The following PANK4 variants were observed in gnomAD, a reference collection of about 807,000 sequenced individuals.
PANK4 encodes the protein 4'-phosphopantetheine phosphatase.
A neutral mutation model predicts 87.9 loss-of-function variants in PANK4; 40 were observed. The observed-to-expected ratio is 0.46, with a 90% CI of 0.35 to 0.59. The LOEUF is 0.59. PANK4 is among the 20% of genes least tolerant of loss of function. The probability of loss-of-function intolerance (pLI) is 0.00; values close to 1 mark genes in which losing one functional copy is unlikely to be tolerated. For missense variants in PANK4, 926 were observed against 1,072.3 expected (o/e 0.86, Z 1.90); for synonymous variants, 524 against 467.4 (o/e 1.12, Z -1.56).
At chr1:2,521,847 C>A in intron 1 of PANK4, 47 bp from the exon 2 acceptor site, 1 of 1,461,188 alleles carries the variant, frequency 6.8e-7, no homozygotes, top group South Asian at 1.1e-5. Context: ...CAGGACACAG[C>A]GGGGCCTGGG....
chr1:2,526,371 C>A (rs1643924092), intron 1 of PANK4, 93 bp downstream of exon 1: 11 of 749,144 alleles, frequency 1.5e-5, no homozygotes, highest in African/African-American at 3.8e-5. Context: ...CGCGCCCCCG[C>A]CCTTCGTCCT....
Position 2,518,189 on chromosome 1 carries a change from G to A in PANK4, c.1193C>T (p.Pro398Leu), listed in dbSNP as rs750603487. ...GLMSASPELG[P>L]AQRARSGTFD... ...AGTGCCACTCCGCGCCCGCTGCGCC[G>A]GGCCGAGCTCGGGTGATGCACTCAT... is the stretch of plus-strand genomic sequence containing the variant. Residue 398 changes from proline (P) to leucine (L), a missense_variant, in exon 9 of 19, where the codon CCG (proline) becomes CTG (leucine). Coordinates refer to ENST00000378466, the MANE Select transcript of PANK4 (RefSeq NM_018216.4). The A allele has an allele frequency of 1.5e-5, 24 of 1,609,244 alleles. No individual in the cohort carries two copies. The highest frequency in any genetic ancestry group is 1.6e-4 in the Middle Eastern group (1 of 6,076).
At position 2,520,111 on chromosome 1, in the gene PANK4, C is replaced by G. The variant is rs183048620; in HGVS notation, c.700-157G>C. ...GGCAGGAGGCGGCAAGCGGGACCCT[C>G]GGGCCACCCAGCCAGGATAGAAGCT... On this transcript the variant is annotated intron_variant, in intron 5 of 18. Transcript: ENST00000378466. The surrounding 1 kb of genome is among the most constrained non-coding windows in gnomAD (Gnocchi z 6.2). Among the ~76,000 whole-genome samples the G allele has an allele frequency of 6.6e-6, 1 of 152,266 alleles. No individual in the cohort carries two copies. Among genetic ancestry groups the G allele is most frequent in the East Asian group, 1.9e-4 (1 of 5,174 alleles).
chr1:2,514,512 G>A, intron 10 of PANK4, 46 bp from the exon 11 acceptor site: 1 of 1,454,994 alleles, frequency 6.9e-7, no homozygotes, highest in Non-Finnish European at 9.5e-7. Context: ...TGGCCCTGCT[G>A]CTTGCGAATC....
At chr1:2,518,713 G>C in intron 7 of PANK4, 116 bp from the exon 8 acceptor site, 1 of 827,308 alleles carries the variant, frequency 1.2e-6, no homozygotes, top group Non-Finnish European at 2.0e-6. Flanking sequence ...TCGAAGAGGC[G>C]CCATGGCACC....
chr1:2,514,262 G>T, intron 11 of PANK4, 92 bp downstream of exon 11: 1 of 1,185,122 alleles, frequency 8.4e-7, no homozygotes, highest in Non-Finnish European at 1.3e-6. Context: ...AGCGAGCTGG[G>T]GTCCGAATGC....
At position 2,521,215 on chromosome 1, in the gene PANK4, G is replaced by A. The variant is rs775189173; in HGVS notation, c.308C>T (p.Ala103Val). The change falls in exon 3 of 19, where the codon GCC becomes GTC. Residue 103 changes from alanine (A) to valine (V), a missense_variant. Ala to Val is a moderately conservative substitution (Grantham distance 64). Transcript: ENST00000378466. Reference sequence around the variant, plus strand: ...ATGGTCTTTGATGAAGTCCAGGCAGGCTTCGATGTAGGTATTCTCAAACTT... The same window carrying A: ...ATGGTCTTTGATGAAGTCCAGGCAGACTTCGATGTAGGTATTCTCAAACTT... Reference protein sequence around the residue: ...FIKFENTYIEACLDFIKDHLV... With the variant: ...FIKFENTYIEVCLDFIKDHLV... 3 of 1,613,662 alleles carry A rather than the reference G, an allele frequency of 1.9e-6. No homozygotes were observed. Among genetic ancestry groups the A allele is most frequent in the Admixed American group, 3.3e-5 (2 of 60,014 alleles).
rs34724650 is a variant in PANK4 at position 2,519,859 on chromosome 1, G to A, written c.795C>T (p.Leu265=). The change falls in exon 6 of 19, where the codon CTC becomes CTT. Residue 265 remains leucine, a synonymous_variant. Coordinates refer to ENST00000378466, the MANE Select transcript of PANK4 (RefSeq NM_018216.4). This position sits in a 1 kb window ranked among gnomAD's most constrained non-coding sequence, Gnocchi z 8.3. ...RDVYGGAHQT[L]GLSGNLIASS... ...TGGCGATGAGGTTCCCGCTCAGCCC[G>A]AGAGTCTGGTGGGCGCCGCCGTAGA... 6,037 of 1,572,614 alleles carry A rather than the reference G, an allele frequency of 3.8e-3. 21 individuals are homozygous for A. The highest frequency in any genetic ancestry group is 4.7e-3 in the Non-Finnish European group (5,403 of 1,159,580).
rs764448081 is a variant in PANK4, at chr1:2,514,474, C to T, written c.1375-8G>A. ...CACTGCGCGCTTCACTACCTGCCAG[C>T]GACAGAAGGAGGGGGTTAGTCAAGC... On this transcript the variant is annotated splice_region_variant and splice_polypyrimidine_tract_variant and intron_variant, in intron 10 of 18. Coordinates refer to ENST00000378466, the MANE Select transcript of PANK4 (RefSeq NM_018216.4). 2.4e-5 allele frequency: 38 copies of T among 1,600,192 alleles called. No homozygotes were observed. The highest frequency in any genetic ancestry group is 8.8e-5 in the South Asian group (8 of 90,884).
Position 2,520,336 on chromosome 1 carries a change from G to C in PANK4, c.685C>G (p.Leu229Val). The C allele has an allele frequency of 6.2e-7, 1 of 1,612,852 alleles. No homozygotes were observed. Among genetic ancestry groups the C allele is most frequent in the Non-Finnish European group, 8.5e-7 (1 of 1,179,874 alleles). The change falls in exon 5 of 19, where the codon CTC becomes GTC. Residue 229 changes from leucine to valine, a missense_variant. By Grantham distance (32) the Leu-to-Val change is conservative. Transcript: ENST00000378466. The surrounding 1 kb of genome is among the most constrained non-coding windows in gnomAD (Gnocchi z 6.2). Reference sequence around the variant, plus strand: ...CTGCCGCATACCTTCGTTTTGGTGAGCAGAGCGCCAAGCCCCCAGAAGGTG... The same window carrying C: ...CTGCCGCATACCTTCGTTTTGGTGACCAGAGCGCCAAGCCCCCAGAAGGTG... ...GGTFWGLGAL[L>V]TKTKKFDELL...
In PANK4 at chr1:2,520,876, C is replaced by T. The variant is rs1360177269; in HGVS notation, c.453G>A (p.Leu151=). ...TGAGCACGAAGTTGCACCCCTTAATCAGGCACGTCATCACGTCCTCCTTGT... is the reference window on the plus strand; with the variant it reads ...TGAGCACGAAGTTGCACCCCTTAATTAGGCACGTCATCACGTCCTCCTTGT... ...KVDKEDVMTC[L]IKGCNFVLKN... is the part of the protein sequence containing the mutation. The change falls in exon 4 of 19, where the codon CTG becomes CTA. Residue 151 remains leucine, a synonymous_variant. Coordinates refer to ENST00000378466, the MANE Select transcript of PANK4 (RefSeq NM_018216.4). This position sits in a 1 kb window ranked among gnomAD's most constrained non-coding sequence, Gnocchi z 6.2. 1.3e-6 allele frequency: 2 copies of T among 1,565,748 alleles called. No individual in the cohort carries two copies. Among genetic ancestry groups the T allele is most frequent in the Non-Finnish European group, 8.6e-7 (1 of 1,156,606 alleles).
At position 2,520,609 on chromosome 1, in the gene PANK4, C is replaced by A. The variant is rs546784625; in HGVS notation, c.606+114G>T. The A allele has an allele frequency of 8.6e-7, 1 of 1,156,788 alleles. No individual in the cohort carries two copies. Among genetic ancestry groups the A allele is most frequent in the Non-Finnish European group, 1.3e-6 (1 of 794,276 alleles). 71.7% of individuals were successfully genotyped at this position (1,156,788 alleles called of 1,614,324 possible). A position where few individuals can be genotyped will look rare whatever the true frequency, so the allele number is the denominator to read the frequency against. On this transcript the variant is annotated intron_variant, in intron 4 of 18. Coordinates refer to ENST00000378466, the MANE Select transcript of PANK4 (RefSeq NM_018216.4). The surrounding 1 kb of genome is among the most constrained non-coding windows in gnomAD (Gnocchi z 6.2). ...TCTGAGCTCACAGCCTCGCCACCCCCCTCCCGCCCACTGGGCCCCATCCAT... is the reference window on the plus strand; with the variant it reads ...TCTGAGCTCACAGCCTCGCCACCCCACTCCCGCCCACTGGGCCCCATCCAT...
chr1:2,512,695 C>A (rs914211262), intron 13 of PANK4, 193 bp downstream of exon 13: 22 of 605,080 alleles, frequency 3.6e-5, no homozygotes, highest in Non-Finnish European at 5.8e-5. Context: ...AGGGGACAGA[C>A]AAGGGCGCTG....
chr1:2,515,861 A>C lies in PANK4; in HGVS notation c.1219-144T>G. ...TCTCTGGGCCACAGACGAGACCCCC[A>C]CTGGGCCCCCTCAGCTGCCCGGCGG... On this transcript the variant is annotated intron_variant, in intron 9 of 18. Transcript: ENST00000378466. This position sits in a 1 kb window ranked among gnomAD's most constrained non-coding sequence, Gnocchi z 5.0. 2.4e-6 allele frequency: 2 copies of C among 829,384 alleles called. No individual in the cohort carries two copies. Among genetic ancestry groups the C allele is most frequent in the East Asian group, 2.7e-5 (1 of 37,354 alleles). The allele number at this position is 829,384 out of a possible 1,614,324, so 51.4% of individuals were successfully genotyped here. A position where few individuals can be genotyped will look rare whatever the true frequency, so the allele number is the denominator to read the frequency against.
At chr1:2,521,532 C>T (rs913014108) in intron 2 of PANK4, 186 bp downstream of exon 2, 7 of 701,188 alleles carry the variant, frequency 1.0e-5, no homozygotes, top group Middle Eastern at 2.8e-4. Context: ...CACAGGCGGG[C>T]GCAGGTTCCT....
At chr1:2,516,130 T>A (rs1643769786) in intron 9 of PANK4, among the ~76,000 whole-genome samples, 1 of 152,090 alleles carries the variant, frequency 6.6e-6, no homozygotes, top group South Asian at 2.1e-4. Context: ...ACCCCTGCAG[T>A]CACACTGTTC....
chr1:2,514,579 T>G (rs1487153241), intron 10 of PANK4, 113 bp from the exon 11 acceptor site: 31 of 28,536 alleles, frequency 1.1e-3, no homozygotes, highest in South Asian at 2.9e-3. Context: ...GGGGACTGTC[T>G]GGGGCAGGGT....
chr1:2,521,647 G>A (rs991147772), intron 2 of PANK4, 71 bp downstream of exon 2: 9 of 1,207,096 alleles, frequency 7.5e-6, no homozygotes, highest in South Asian at 1.2e-5. Context: ...GGATGACTGC[G>A]AGACAAGTGC....
Position 2,515,810 on chromosome 1 carries a change from G to A in PANK4, c.1219-93C>T, listed in dbSNP as rs2100779727. 13 of 1,215,486 alleles carry A rather than the reference G, an allele frequency of 1.1e-5. No individual in the cohort carries two copies. Among genetic ancestry groups the A allele is most frequent in the Non-Finnish European group, 1.4e-5 (12 of 854,884 alleles). The allele number at this position is 1,215,486 out of a possible 1,614,324, so 75.3% of individuals were successfully genotyped here. On this transcript the variant is annotated intron_variant, in intron 9 of 18. Coordinates refer to ENST00000378466, the MANE Select transcript of PANK4 (RefSeq NM_018216.4). This position sits in a 1 kb window ranked among gnomAD's most constrained non-coding sequence, Gnocchi z 5.0. ...AGCTTCCACTCTCTCTCTAAGAAGG[G>A]AGATGTACTGCCTTCTTCCGCCACG...
Sources: allele counts gnomAD v4.1 joint callset (sites outside exome capture counted in the v4.1 genomes callset), GRCh38; gene constraint gnomAD v4.1.1; non-coding constraint Gnocchi (gnomAD v3.1); transcripts MANE v1.5; gene names NCBI Gene and HGNC (gene_info 2026-07-23, HGNC 2026-07-21).